Variants in TCERG1L observed in about 807,000 individuals in gnomAD.
TCERG1L encodes the protein transcription elongation regulator 1 like.
A neutral mutation model predicts 56.3 loss-of-function variants in TCERG1L; 37 were observed. The ratio of observed to expected loss-of-function variants is 0.66; its 90% CI spans 0.51 to 0.87. The LOEUF is 0.87. Ranked by LOEUF, TCERG1L falls within the 40% of genes least tolerant of loss-of-function variation. The pLI is 0.00. For synonymous variants in TCERG1L, 324 were observed against 326.3 expected, an observed-to-expected ratio of 0.99 and a Z score of 0.08; for missense variants, 799 against 774.2, an observed-to-expected ratio of 1.03 and a Z score of -0.38.
chr10:131,163,076 C>A, intron 6 of TCERG1L, 46 bp downstream of exon 6: 12 of 1,423,434 alleles, frequency 8.4e-6, no homozygotes, highest in Non-Finnish European at 1.1e-5. Context: ...ATGCCAGGAC[C>A]AGACAACGCC....
At chr10:131,108,026 T>C (rs1400915825) in intron 9 of TCERG1L, among the ~76,000 whole-genome samples, 4 of 151,470 alleles carry the variant, frequency 2.6e-5, no homozygotes, top group Non-Finnish European at 5.9e-5. Context: ...TCCAACATTG[T>C]AGAACAACCA....
intron 8 of TCERG1L, among the ~76,000 whole-genome samples, chr10:131,124,759 G>T (rs1196982772): frequency 6.6e-6 from 1 of 152,180 alleles, no homozygotes; most frequent in Non-Finnish European, 1.5e-5. Context: ...CATCGCAGGG[G>T]TGACCTGAGG....
At chr10:131,226,579 C>T (rs1845792764) in intron 4 of TCERG1L, among the ~76,000 whole-genome samples, 1 of 152,206 alleles carries the variant, frequency 6.6e-6, no homozygotes, top group African/African-American at 2.4e-5. Context: ...GCTTTCTGCT[C>T]AGCAGCACAG....
At chr10:131,220,811 G>A (rs953275322) in intron 4 of TCERG1L, among the ~76,000 whole-genome samples, 1 of 152,216 alleles carries the variant, frequency 6.6e-6, no homozygotes, top group Non-Finnish European at 1.5e-5. Context: ...AAAGGGGGTG[G>A]GGGTGGAGAG....
At chr10:131,157,756 G>A (rs956114017) in intron 6 of TCERG1L, among the ~76,000 whole-genome samples, 5 of 152,196 alleles carry the variant, frequency 3.3e-5, no homozygotes, top group East Asian at 1.9e-4. Context: ...GAGGAGGACC[G>A]GATTTCACCT....
intron 6 of TCERG1L, among the ~76,000 whole-genome samples, chr10:131,149,721 T>G (rs1199473138): frequency 6.6e-6 from 1 of 152,182 alleles, no homozygotes; most frequent in East Asian, 1.9e-4. Flanking sequence ...CGTGGACAGT[T>G]TTACTACTGC....
intron 9 of TCERG1L, among the ~76,000 whole-genome samples, chr10:131,114,571 T>C (rs750224855): frequency 4.6e-5 from 7 of 152,212 alleles, no homozygotes; most frequent in Admixed American, 1.3e-4. Context: ...AAGAAAAAGT[T>C]GAAACGAACC....
chr10:131,178,015 T>C (rs994637194), intron 4 of TCERG1L, among the ~76,000 whole-genome samples: 3 of 152,108 alleles, frequency 2.0e-5, no homozygotes, highest in Admixed American at 6.5e-5. Flanking sequence ...AGCCTCCACA[T>C]TCCGGGACAG....
intron 3 of TCERG1L, among the ~76,000 whole-genome samples, chr10:131,304,202 AG>A (rs1846796628): frequency 6.6e-6 from 1 of 152,096 alleles, no homozygotes; most frequent in South Asian, 2.1e-4. Flanking sequence ...GTTTCTAGCA[AG>A]ATCCTTCTAT....
chr10:131,169,456 G>T (rs947545789), intron 4 of TCERG1L, among the ~76,000 whole-genome samples: 1 of 152,174 alleles, frequency 6.6e-6, no homozygotes, highest in Admixed American at 6.5e-5. Flanking sequence ...GCGATGGGAC[G>T]AGGGAAGTTA....
chr10:131,217,867 G>A (rs770811816), intron 4 of TCERG1L, among the ~76,000 whole-genome samples: 4 of 151,760 alleles, frequency 2.6e-5, no homozygotes, highest in Non-Finnish European at 4.4e-5. Flanking sequence ...GACTACATGC[G>A]CCCGCCACCA....
chr10:131,286,002 C>G (rs957202813), intron 3 of TCERG1L, among the ~76,000 whole-genome samples: 3 of 152,318 alleles, frequency 2.0e-5, no homozygotes, highest in Middle Eastern at 3.4e-3. Flanking sequence ...TACCACATCA[C>G]ACACTGTACT....
chr10:131,190,992 T>A (rs2133462364), intron 4 of TCERG1L, among the ~76,000 whole-genome samples: 1 of 144,516 alleles, frequency 6.9e-6, no homozygotes, highest in Non-Finnish European at 1.5e-5. Context: ...CAAAAGACCC[T>A]TAGATTTGAT....
chr10:131,231,428 G>C (rs1285340994), intron 4 of TCERG1L, among the ~76,000 whole-genome samples: 1 of 152,214 alleles, frequency 6.6e-6, no homozygotes, highest in Non-Finnish European at 1.5e-5. Flanking sequence ...CCCAGTTAGA[G>C]AGAAATGACT....
At chr10:131,119,893 C>T (rs1426051769) in intron 8 of TCERG1L, among the ~76,000 whole-genome samples, 1 of 152,186 alleles carries the variant, frequency 6.6e-6, no homozygotes, top group African/African-American at 2.4e-5. Context: ...GTTAAGGGAA[C>T]CCATGGATTT....
At chr10:131,220,109 C>T (rs527834139) in intron 4 of TCERG1L, among the ~76,000 whole-genome samples, 9 of 152,340 alleles carry the variant, frequency 5.9e-5, no homozygotes, top group Non-Finnish European at 1.2e-4. Flanking sequence ...ACCCGCATGG[C>T]CTTTCAGAGC....
At chr10:131,176,723 G>A (rs1236044731) in intron 4 of TCERG1L, among the ~76,000 whole-genome samples, 1 of 121,572 alleles carries the variant, frequency 8.2e-6, no homozygotes, top group Non-Finnish European at 1.7e-5. Context: ...CACAGAGATA[G>A]GCACATACAA....
At chr10:131,201,597 A>G (rs1352280212) in intron 4 of TCERG1L, among the ~76,000 whole-genome samples, 3 of 152,238 alleles carry the variant, frequency 2.0e-5, no homozygotes, top group Non-Finnish European at 4.4e-5. Context: ...ATGGCTGCAA[A>G]TAAAAAAATA....
At chr10:131,273,765 G>A (rs1389285195) in intron 3 of TCERG1L, among the ~76,000 whole-genome samples, 1 of 152,180 alleles carries the variant, frequency 6.6e-6, no homozygotes, top group Non-Finnish European at 1.5e-5. Context: ...AAGCCCCAGG[G>A]CCAGGCTCTG....
Sources: gnomAD v4.1 joint callset for allele counts (sites outside exome capture counted in the v4.1 genomes callset) on GRCh38, gnomAD v4.1.1 for gene constraint, MANE v1.5 for transcripts, NCBI Gene and HGNC (gene_info 2026-07-23, HGNC 2026-07-21) for gene names.